The following CDIN1 variants were observed in gnomAD, a reference collection of about 807,000 sequenced individuals.
CDIN1 encodes the protein CDAN1 interacting nuclease 1.
In CDIN1, 33 loss-of-function variants were observed where a neutral mutation model predicts 45.3. The ratio of observed to expected loss-of-function variants is 0.73; its 90% CI spans 0.55 to 0.97. The LOEUF is 0.97. CDIN1 is among the 50% of genes least tolerant of loss of function. The probability of loss-of-function intolerance (pLI) is 0.00; values close to 1 mark genes in which losing one functional copy is unlikely to be tolerated. For synonymous variants in CDIN1, 118 were observed against 124.4 expected (o/e 0.95, Z 0.34); for missense variants, 303 against 339.4 (o/e 0.89, Z 0.84).
intron 5 of CDIN1, among the ~76,000 whole-genome samples, chr15:36,671,984 G>C (rs2041468546): frequency 6.6e-6 from 1 of 152,030 alleles, no homozygotes; most frequent in Admixed American, 6.6e-5. Context: ...TATGGATTTT[G>C]ATGTTTTGAA....
chr15:36,622,414 G>T (rs781464529), intron 1 of CDIN1, among the ~76,000 whole-genome samples: 19 of 152,180 alleles, frequency 1.2e-4, no homozygotes, highest in Admixed American at 3.9e-4. Context: ...GAGAGAGGCA[G>T]TGTTCATAGA....
intron 8 of CDIN1, among the ~76,000 whole-genome samples, chr15:36,701,774 T>TCC: frequency 6.6e-6 from 1 of 152,284 alleles, no homozygotes; most frequent in East Asian, 1.9e-4. Context: ...CCCCCATGTT[T>TCC]GGACAAACCA....
At chr15:36,715,387 T>G (rs2043185712) in intron 10 of CDIN1, among the ~76,000 whole-genome samples, 2 of 152,178 alleles carry the variant, frequency 1.3e-5, no homozygotes, top group Non-Finnish European at 2.9e-5. Flanking sequence ...GGAGAGGCAT[T>G]TAGAATGGGA....
chr15:36,658,127 TG>T (rs1212673998), intron 5 of CDIN1: 2 of 429,574 alleles, frequency 4.7e-6, no homozygotes, highest in Admixed American at 3.9e-5. Flanking sequence ...ACCTCTCCAT[TG>T]AGCTAAATAG....
intron 10 of CDIN1, among the ~76,000 whole-genome samples, chr15:36,771,927 C>A (rs200704710): frequency 4.1e-3 from 516 of 126,326 alleles, no homozygotes; most frequent in Non-Finnish European, 4.9e-3. Flanking sequence ...GACTCAGTCT[C>A]AAAAAAAAAA....
intron 10 of CDIN1, among the ~76,000 whole-genome samples, chr15:36,786,273 G>GT (rs546403541): frequency 6.6e-6 from 1 of 152,180 alleles, no homozygotes; most frequent in Non-Finnish European, 1.5e-5. Context: ...TTATAACATT[G>GT]TTGACACAGT....
At chr15:36,690,743 T>G (rs1015593612) in intron 5 of CDIN1, among the ~76,000 whole-genome samples, 3 of 152,170 alleles carry the variant, frequency 2.0e-5, no homozygotes, top group Non-Finnish European at 4.4e-5. Context: ...ATAAGCCATT[T>G]TGCTAAATTG....
intron 7 of CDIN1, among the ~76,000 whole-genome samples, chr15:36,695,744 G>C (rs2042400468): frequency 6.6e-6 from 1 of 152,022 alleles, no homozygotes; most frequent in African/African-American, 2.4e-5. Flanking sequence ...CTACTCTGGA[G>C]GCTGAGGCTG....
At chr15:36,715,779 A>G (rs115910323) in intron 10 of CDIN1, among the ~76,000 whole-genome samples, 3,217 of 152,292 alleles carry the variant, frequency 0.021, 116 homozygotes, top group African/African-American at 0.074. Context: ...ATTGTTCCAG[A>G]CAGATACTTG....
intron 10 of CDIN1, among the ~76,000 whole-genome samples, chr15:36,718,758 A>G (rs1398112743): frequency 6.7e-6 from 1 of 149,676 alleles, no homozygotes; most frequent in Non-Finnish European, 1.5e-5. Context: ...GATTTTCTAC[A>G]TAGACAACTA....
In CDIN1 at chr15:36,808,804, C is replaced by T. The variant is rs2055315007; in HGVS notation, c.*351C>T. 1 of 458,458 alleles carries T rather than the reference C, an allele frequency of 2.2e-6. No individual in the cohort carries two copies. 28.4% of individuals were successfully genotyped at this position (458,458 alleles called of 1,614,324 possible). On this transcript the variant is annotated 3_prime_UTR_variant, in exon 11 of 11. Coordinates refer to ENST00000566621, the MANE Select transcript of CDIN1 (RefSeq NM_001321759.2). The stretch of plus-strand genomic sequence containing the variant: ...GTGAAGACTGAAAGGTGTGATTTTT[C>T]AATTCTCCTCCCAGTTACCGAATCA...
intron 1 of CDIN1, 33 bp from the exon 2 acceptor site, chr15:36,644,245 T>C (rs1179757879): frequency 3.1e-6 from 5 of 1,609,298 alleles, no homozygotes; most frequent in Non-Finnish European, 3.4e-6. Flanking sequence ...TGCACTCCAG[T>C]AATTAACTTT....
chr15:36,603,797 A>G (rs2038224464), intron 1 of CDIN1, among the ~76,000 whole-genome samples: 1 of 152,202 alleles, frequency 6.6e-6, no homozygotes, highest in Non-Finnish European at 1.5e-5. Context: ...CTGAAAAAAG[A>G]GTTATTGTCC....
At chr15:36,613,482 T>A in intron 1 of CDIN1, 1 of 1,550,022 alleles carries the variant, frequency 6.5e-7, no homozygotes, top group South Asian at 1.1e-5. Flanking sequence ...ATGGCTGGGA[T>A]CACCACCATC....
At chr15:36,664,756 C>G (rs930796870) in intron 5 of CDIN1, among the ~76,000 whole-genome samples, 4 of 152,184 alleles carry the variant, frequency 2.6e-5, no homozygotes, top group Non-Finnish European at 5.9e-5. Context: ...CCATGTTAGC[C>G]AGGATGGTCT....
intron 4 of CDIN1, among the ~76,000 whole-genome samples, chr15:36,655,328 T>TGC (rs1566871587): frequency 0.18 from 334 of 1,806 alleles, no homozygotes; most frequent in African/African-American, 0.35. Context: ...TTTTTTTGCT[T>TGC]TTTTTTTTTC....
chr15:36,605,110 T>C (rs1357309808), intron 1 of CDIN1, among the ~76,000 whole-genome samples: 1 of 152,200 alleles, frequency 6.6e-6, no homozygotes, highest in Non-Finnish European at 1.5e-5. Context: ...TTTCTTAAAT[T>C]CATACCTCTT....
chr15:36,604,222 C>T lies in CDIN1; in HGVS notation c.101+24261C>T, dbSNP rs545290569. ...CACATGCAAATGCTAAATTCAGTAG[C>T]AGCATGAGGTCTCTGTCATTAACAG... On this transcript the variant is annotated intron_variant, in intron 1 of 10. Coordinates refer to ENST00000566621, the MANE Select transcript of CDIN1 (RefSeq NM_001321759.2). Among the ~76,000 whole-genome samples the T allele has an allele frequency of 7.6e-4, 116 of 151,968 alleles. 3 individuals carry two copies. The South Asian group carries it at 0.023, about 30-fold the overall frequency.
chr15:36,783,368 T>C (rs1366043815), intron 10 of CDIN1, among the ~76,000 whole-genome samples: 3 of 152,046 alleles, frequency 2.0e-5, no homozygotes, highest in African/African-American at 4.8e-5. Context: ...TTTAATGCTG[T>C]TTAAAAGTTT....
Sources: allele counts gnomAD v4.1 joint callset (sites outside exome capture counted in the v4.1 genomes callset), GRCh38; gene constraint gnomAD v4.1.1; transcripts MANE v1.5; gene names NCBI Gene and HGNC (gene_info 2026-07-23, HGNC 2026-07-21).